The following ACER2 variants were observed in gnomAD, a reference collection of about 807,000 sequenced individuals.
The protein encoded by ACER2 is alkaline ceramidase 2.
Under a neutral mutation model 34.7 loss-of-function variants are expected in ACER2, and 26 were observed. The observed-to-expected ratio is 0.75, with a 90% confidence interval of 0.55 to 1.04. The LOEUF (loss-of-function observed/expected upper bound fraction) is 1.04, where lower values mean the gene tolerates loss of function less well. ACER2 is among the 50% of genes least tolerant of loss of function. ACER2 has a pLI of 0.00. For synonymous variants in ACER2, 138 were observed against 132.1 expected (o/e 1.04, Z -0.31); for missense variants, 352 against 340.8 (o/e 1.03, Z -0.26).
In ACER2 at chr9:19,409,247, C is replaced by T. The variant is rs532197555; in HGVS notation, c.108+55C>T. ...CGGGCCAGCGGGAGGGGGCTGTTCC[C>T]GCGCCGCAGCGTCTGGAAGCTGGAC... On this transcript the variant is annotated intron_variant, in intron 1 of 5. Transcript: ENST00000340967. 9.3e-6 allele frequency: 14 copies of T among 1,503,960 alleles called. No individual in the cohort carries two copies. The African/African-American group carries it at 1.7e-4, about 18-fold the overall frequency. 93.2% of individuals were successfully genotyped at this position (1,503,960 alleles called of 1,614,324 possible). A position where few individuals can be genotyped will look rare whatever the true frequency, so the allele number is the denominator to read the frequency against.
chr9:19,445,860 G>C (rs560416245), intron 4 of ACER2, among the ~76,000 whole-genome samples: 1 of 152,222 alleles, frequency 6.6e-6, no homozygotes, highest in Non-Finnish European at 1.5e-5. Context: ...AGACTCTGAT[G>C]AGATGGCGGT....
At chr9:19,430,862 G>T (rs767757871) in intron 3 of ACER2, among the ~76,000 whole-genome samples, 11 of 152,066 alleles carry the variant, frequency 7.2e-5, no homozygotes, top group Non-Finnish European at 1.0e-4. Flanking sequence ...GGAGGCTGAG[G>T]CAGGAGAATC....
intron 5 of ACER2, among the ~76,000 whole-genome samples, chr9:19,449,357 T>C (rs1831483559): frequency 6.6e-6 from 1 of 152,208 alleles, no homozygotes; most frequent in Admixed American, 6.5e-5. Context: ...ACCCTGACCC[T>C]GATTAATTTC....
At chr9:19,429,030 C>T (rs1446965017) in intron 3 of ACER2, among the ~76,000 whole-genome samples, 3 of 151,226 alleles carry the variant, frequency 2.0e-5, no homozygotes, top group Non-Finnish European at 4.4e-5. Context: ...CCTCATGATC[C>T]GCTCGCCTCG....
At chr9:19,409,826 C>G in intron 1 of ACER2, 4 of 985,298 alleles carry the variant, frequency 4.1e-6, no homozygotes, top group Non-Finnish European at 4.8e-6. Context: ...TGTGCTTTCT[C>G]CAGTTCTGAA....
At position 19,430,819 on chromosome 9, in the gene ACER2, G is replaced by A. The variant is rs184549016; in HGVS notation, c.366-4128G>A. ...CTAAAAATACATAAATTAGCTTAGG[G>A]TGGTGGCAGGTGCCTGTAATCCCAG... On this transcript the variant is annotated intron_variant, in intron 3 of 5. Coordinates refer to ENST00000340967, the MANE Select transcript of ACER2 (RefSeq NM_001010887.3). Among the ~76,000 whole-genome samples the A allele has an allele frequency of 2.6e-3, 391 of 151,914 alleles. 2 individuals carry two copies. Among genetic ancestry groups the A allele is most frequent in the South Asian group, 0.018 (84 of 4,602 alleles).
intron 4 of ACER2, among the ~76,000 whole-genome samples, chr9:19,444,609 C>G (rs890352201): frequency 6.6e-6 from 1 of 152,256 alleles, no homozygotes; most frequent in Non-Finnish European, 1.5e-5. Context: ...CGGTTGTGGA[C>G]GAGCTTGCAC....
chr9:19,423,171 T>A (rs1830459209), intron 1 of ACER2, among the ~76,000 whole-genome samples: 2 of 151,750 alleles, frequency 1.3e-5, no homozygotes, highest in Admixed American at 6.6e-5. Flanking sequence ...TAAAAAAGGA[T>A]TGTGAAAAAA....
intron 1 of ACER2, 120 bp downstream of exon 1, chr9:19,409,312 G>A: frequency 1.1e-6 from 1 of 948,020 alleles, no homozygotes; most frequent in Non-Finnish European, 1.6e-6. Context: ...CTCTCCAGGG[G>A]CTGAGTCAGT....
At chr9:19,445,982 A>G (rs1831343944) in intron 4 of ACER2, among the ~76,000 whole-genome samples, 2 of 152,158 alleles carry the variant, frequency 1.3e-5, no homozygotes, top group South Asian at 4.2e-4. Context: ...TGGGAGAAGA[A>G]TAGGTTATGG....
chr9:19,431,263 AATTTTT>A (rs763322568), intron 3 of ACER2, among the ~76,000 whole-genome samples: 1 of 152,204 alleles, frequency 6.6e-6, no homozygotes, highest in Non-Finnish European at 1.5e-5. Context: ...AGAGTGTCTT[AATTTTT>A]ATGTGGGAAA....
Position 19,424,777 on chromosome 9 carries a change from C to T in ACER2, c.301C>T (p.Leu101=), listed in dbSNP as rs200172049. The part of the protein sequence containing the change: ...MLDELAVLWV[L]MCALAMWFPR... ...TGATGAACTTGCAGTCCTTTGGGTT[C>T]TGATGTGTGCTTTGGCCATGTGGTT... The change falls in exon 3 of 6, where the codon CTG becomes TTG. Residue 101 remains leucine, a synonymous_variant. Coordinates refer to ENST00000340967, the MANE Select transcript of ACER2 (RefSeq NM_001010887.3). The T allele has an allele frequency of 3.5e-5, 57 of 1,614,118 alleles. No individual in the cohort carries two copies. The African/African-American group carries it at 7.5e-4, about 21-fold the overall frequency.
At chr9:19,448,794 G>A (rs1202181948) in intron 5 of ACER2, among the ~76,000 whole-genome samples, 2 of 152,172 alleles carry the variant, frequency 1.3e-5, no homozygotes, top group African/African-American at 2.4e-5. Flanking sequence ...TTTGTGATGT[G>A]TATTTCCCCT....
At chr9:19,421,696 A>C (rs988782731) in intron 1 of ACER2, among the ~76,000 whole-genome samples, 1 of 152,204 alleles carries the variant, frequency 6.6e-6, no homozygotes, top group Non-Finnish European at 1.5e-5. Flanking sequence ...CCATTATGAA[A>C]TGTACTAAAT....
intron 3 of ACER2, among the ~76,000 whole-genome samples, chr9:19,434,591 C>T (rs1306228547): frequency 1.3e-5 from 2 of 152,218 alleles, no homozygotes; most frequent in South Asian, 2.1e-4. Context: ...GCCAACACAG[C>T]GAAACCCCGT....
At chr9:19,410,007 T>G in intron 1 of ACER2, 2 of 890,360 alleles carry the variant, frequency 2.2e-6, no homozygotes, top group Non-Finnish European at 2.7e-6. Flanking sequence ...TTATTTTGTG[T>G]ATGTCCATGG....
At chr9:19,435,867 G>A (rs1830947677) in intron 4 of ACER2, among the ~76,000 whole-genome samples, 1 of 151,240 alleles carries the variant, frequency 6.6e-6, no homozygotes, top group East Asian at 2.0e-4. Flanking sequence ...GGCTAACACA[G>A]TGAAACCCCG....
chr9:19,413,539 G>T (rs917647070), intron 1 of ACER2, among the ~76,000 whole-genome samples: 1 of 151,634 alleles, frequency 6.6e-6, no homozygotes, highest in South Asian at 2.1e-4. Context: ...GGTGGAGGTT[G>T]CAGTGAGCCA....
chr9:19,434,800 G>T, intron 3 of ACER2, 147 bp from the exon 4 acceptor site: 1 of 984,294 alleles, frequency 1.0e-6, no homozygotes, highest in Non-Finnish European at 1.5e-6. Context: ...CTCTGTCGCC[G>T]TGAGTGGCTT....
Sources: gnomAD v4.1 joint callset for allele counts (sites outside exome capture counted in the v4.1 genomes callset) on GRCh38, gnomAD v4.1.1 for gene constraint, MANE v1.5 for transcripts, NCBI Gene and HGNC (gene_info 2026-07-23, HGNC 2026-07-21) for gene names.